The following THSD4 variants were observed in gnomAD, a reference collection of about 807,000 sequenced individuals.
The protein encoded by THSD4 is thrombospondin type-1 domain-containing protein 4.
Under a neutral mutation model 119.0 loss-of-function variants are expected in THSD4, and 69 were observed. That is an observed-to-expected ratio of 0.58 (90% CI 0.48 to 0.71). The LOEUF is 0.71. THSD4 is among the 30% of genes least tolerant of loss of function. THSD4 has a pLI of 0.00. For missense variants in THSD4, 1,393 were observed against 1,391.1 expected, an observed-to-expected ratio of 1.00 and a Z score of -0.02; for synonymous variants, 524 against 540.4, an observed-to-expected ratio of 0.97 and a Z score of 0.42.
chr15:71,111,538 G>T (rs578155744), upstream of THSD4: 41 of 740,628 alleles, frequency 5.5e-5, 1 homozygote, highest in African/African-American at 6.6e-4. Flanking sequence ...CTCTCAAAGT[G>T]TTTTGTTTTG....
At chr15:71,191,910 T>C (rs199805964) in intron 3 of THSD4, among the ~76,000 whole-genome samples, 11 of 39,134 alleles carry the variant, frequency 2.8e-4, no homozygotes, top group Non-Finnish European at 1.3e-3. Context: ...TCTTCTTTTT[T>C]TTTTTTTTTT....
At chr15:71,733,196 G>A (rs2053016208) in intron 10 of THSD4, 1 of 152,254 alleles carries the variant, frequency 6.6e-6, no homozygotes, top group African/African-American at 2.4e-5. Flanking sequence ...CCCTGGGACA[G>A]GGCAGGCCTG....
At chr15:71,454,635 A>C (rs773199632) in intron 7 of THSD4, among the ~76,000 whole-genome samples, 9 of 152,230 alleles carry the variant, frequency 5.9e-5, no homozygotes, top group Non-Finnish European at 1.3e-4. Flanking sequence ...GAAGTCTGGA[A>C]GTTCAAAGAA....
chr15:71,111,845 T>C (rs923012682), upstream of THSD4: 8 of 535,680 alleles, frequency 1.5e-5, no homozygotes, highest in Admixed American at 7.2e-5. Context: ...CTGAGAGCAG[T>C]GTTTTTCAAA....
intron 3 of THSD4, among the ~76,000 whole-genome samples, chr15:71,212,602 C>T (rs1383850821): frequency 6.6e-6 from 1 of 152,248 alleles, no homozygotes; most frequent in Non-Finnish European, 1.5e-5. Flanking sequence ...TCCACCAGGA[C>T]AATTGTCGAA....
At chr15:71,180,937 A>G (rs2043516572) in intron 3 of THSD4, among the ~76,000 whole-genome samples, 1 of 152,204 alleles carries the variant, frequency 6.6e-6, no homozygotes, top group African/African-American at 2.4e-5. Flanking sequence ...CTCAATTAAA[A>G]AAAAAGAGGA....
intron 6 of THSD4, among the ~76,000 whole-genome samples, chr15:71,287,255 C>G (rs1451932397): frequency 1.3e-5 from 2 of 152,160 alleles, no homozygotes; most frequent in East Asian, 3.8e-4. Flanking sequence ...CTTGTCTTTA[C>G]AGAAGGAAAT....
intron 4 of THSD4, among the ~76,000 whole-genome samples, chr15:71,231,948 A>G (rs887804271): frequency 4.6e-5 from 7 of 152,174 alleles, no homozygotes; most frequent in Non-Finnish European, 1.0e-4. Context: ...AACTTAGCAC[A>G]TGATATCCTT....
intron 7 of THSD4, among the ~76,000 whole-genome samples, chr15:71,458,158 G>A (rs2047366567): frequency 6.6e-6 from 1 of 152,126 alleles, no homozygotes; most frequent in Non-Finnish European, 1.5e-5. Context: ...TGGATTAATT[G>A]TTATAATTGT....
At chr15:71,500,655 A>G (rs188390047) in intron 7 of THSD4, among the ~76,000 whole-genome samples, 60 of 152,336 alleles carry the variant, frequency 3.9e-4, no homozygotes, top group African/African-American at 1.4e-3. Context: ...ATTTTTGTAC[A>G]TAGTGTAAGG....
At chr15:71,614,047 G>A (rs1481905967) in intron 7 of THSD4, among the ~76,000 whole-genome samples, 1 of 152,170 alleles carries the variant, frequency 6.6e-6, no homozygotes, top group Non-Finnish European at 1.5e-5. Context: ...TGTGGTTGAG[G>A]CAGGAACAGA....
At chr15:71,191,132 C>G (rs1281603023) in intron 3 of THSD4, among the ~76,000 whole-genome samples, 3 of 152,146 alleles carry the variant, frequency 2.0e-5, no homozygotes, top group African/African-American at 7.2e-5. Flanking sequence ...TCTTTGCCTT[C>G]TCCTGCTCCT....
chr15:71,392,608 A>G (rs1171640969), intron 6 of THSD4, among the ~76,000 whole-genome samples: 2 of 152,160 alleles, frequency 1.3e-5, no homozygotes, highest in Non-Finnish European at 2.9e-5. Flanking sequence ...TTTGAATATA[A>G]TTACATTTTG....
chr15:71,240,838 C>CACATAT (rs374887677), intron 4 of THSD4, among the ~76,000 whole-genome samples: 5 of 137,152 alleles, frequency 3.6e-5, no homozygotes, highest in South Asian at 2.3e-4. Context: ...CACACACACA[C>CACATAT]ATATATACAT....
At chr15:71,359,666 C>T (rs1186894562) in intron 6 of THSD4, among the ~76,000 whole-genome samples, 1 of 152,094 alleles carries the variant, frequency 6.6e-6, no homozygotes, top group Non-Finnish European at 1.5e-5. Context: ...AAAAATTAGC[C>T]AGGTGTGATG....
intron 7 of THSD4, among the ~76,000 whole-genome samples, chr15:71,636,630 T>C (rs887431175): frequency 6.6e-6 from 1 of 152,192 alleles, no homozygotes; most frequent in Admixed American, 6.5e-5. Context: ...ATGTTGTTCC[T>C]GCATTCTCCA....
intron 7 of THSD4, among the ~76,000 whole-genome samples, chr15:71,629,440 T>C (rs564161109): frequency 6.6e-6 from 1 of 152,166 alleles, no homozygotes; most frequent in African/African-American, 2.4e-5. Flanking sequence ...AGTGGGACCC[T>C]GAGGGCCTTT....
rs540982310 is a variant in THSD4, at chr15:71,672,406, T to C, written c.1357+11672T>C. On this transcript the variant is annotated intron_variant, in intron 8 of 17. Coordinates refer to ENST00000261862, the MANE Select transcript of THSD4 (RefSeq NM_024817.3). ...TTGGGGCTGAGACGATGGGGTTTTC[T>C]AAATATGCAATCATGTCATCTGCAA... is the stretch of plus-strand genomic sequence containing the variant. Among the ~76,000 whole-genome samples the C allele has an allele frequency of 5.9e-5, 9 of 152,348 alleles. No individual in the cohort carries two copies. In the East Asian group the frequency reaches 7.7e-4, roughly 13 times the overall value.
intron 7 of THSD4, among the ~76,000 whole-genome samples, chr15:71,517,282 C>T (rs1347034860): frequency 8.5e-5 from 13 of 152,126 alleles, no homozygotes; most frequent in Non-Finnish European, 1.9e-4. Context: ...GTCTCTTCTT[C>T]CATCCCCGCC....
Sources: allele counts gnomAD v4.1 joint callset (sites outside exome capture counted in the v4.1 genomes callset), GRCh38; gene constraint gnomAD v4.1.1; transcripts MANE v1.5; gene names NCBI Gene and HGNC (gene_info 2026-07-23, HGNC 2026-07-21).